Variants in CACNA2D3 observed in about 807,000 individuals in gnomAD.
The protein encoded by CACNA2D3 is calcium voltage-gated channel auxiliary subunit alpha2delta 3, also known as voltage-dependent calcium channel subunit alpha-2/delta-3.
CACNA2D3 carries 60 observed loss-of-function variants against 160.6 expected under a neutral mutation model. The observed-to-expected ratio is 0.37, with a 90% confidence interval of 0.30 to 0.46. CACNA2D3 has a LOEUF of 0.46. Ranked by LOEUF, CACNA2D3 falls within the 20% of genes least tolerant of loss-of-function variation. The pLI is 1.00. For synonymous variants in CACNA2D3, 558 were observed against 492.9 expected, an observed-to-expected ratio of 1.13 and a Z score of -1.75; for missense variants, 1,205 against 1,365.0, an observed-to-expected ratio of 0.88 and a Z score of 1.85.
At chr3:54,976,085 A>G (rs1470148967) in intron 29 of CACNA2D3, among the ~76,000 whole-genome samples, 1 of 151,438 alleles carries the variant, frequency 6.6e-6, no homozygotes, top group Non-Finnish European at 1.5e-5. Flanking sequence ...ACACACACAC[A>G]CACACACATT....
At position 55,016,403 on chromosome 3, in the gene CACNA2D3, C is replaced by A. The variant is rs77835116; in HGVS notation, c.2876-1803C>A. On this transcript the variant is annotated intron_variant, in intron 34 of 37. Transcript: ENST00000474759. Reference sequence around the variant, plus strand: ...GGTACTGCTATTCCCATTTAGCAGACGAGGACACTAAGATGTAAAATGGTT... The same window carrying A: ...GGTACTGCTATTCCCATTTAGCAGAAGAGGACACTAAGATGTAAAATGGTT... Among the ~76,000 whole-genome samples the A allele has an allele frequency of 1.9e-3, 296 of 152,260 alleles. 1 individual carries two copies. Among genetic ancestry groups the A allele is most frequent in the African/African-American group, 6.8e-3 (284 of 41,544 alleles).
intron 4 of CACNA2D3, among the ~76,000 whole-genome samples, chr3:54,389,296 TAAA>T (rs34532007): frequency 6.9e-6 from 1 of 144,226 alleles, no homozygotes; most frequent in Admixed American, 6.9e-5. Context: ...AACTCCGTCT[TAAA>T]AAAAAAAAAA....
At chr3:54,948,331 A>C (rs1363712205) in intron 27 of CACNA2D3, among the ~76,000 whole-genome samples, 1 of 152,204 alleles carries the variant, frequency 6.6e-6, no homozygotes, top group Non-Finnish European at 1.5e-5. Flanking sequence ...ACCTCAGTAA[A>C]AACTGGAAGA....
chr3:54,962,363 G>T (rs1301205659), intron 27 of CACNA2D3, among the ~76,000 whole-genome samples: 1 of 152,194 alleles, frequency 6.6e-6, no homozygotes, highest in African/African-American at 2.4e-5. Context: ...GGAGTGGACA[G>T]TTTGCATTGG....
chr3:54,681,131 G>GAA (rs1293890096), intron 11 of CACNA2D3, among the ~76,000 whole-genome samples: 2 of 151,806 alleles, frequency 1.3e-5, no homozygotes, highest in Non-Finnish European at 2.9e-5. Context: ...GAGAGAGAGA[G>GAA]AGAGAGACAG....
intron 17 of CACNA2D3, among the ~76,000 whole-genome samples, chr3:54,854,468 C>T (rs1315167120): frequency 6.6e-6 from 1 of 152,170 alleles, no homozygotes; most frequent in Non-Finnish European, 1.5e-5. Flanking sequence ...GCTCCTGTGA[C>T]TGGGTGTGTG....
Position 54,519,429 on chromosome 3 carries a change from T to G in CACNA2D3, c.544+15775T>G, listed in dbSNP as rs185702580. 3.5e-3 allele frequency among the ~76,000 whole-genome samples: 538 copies of G among 152,296 alleles called. 1 individual carries two copies. The highest frequency in any genetic ancestry group is 6.7e-3 in the Non-Finnish European group (454 of 68,020). ...CAGTGCTCTGGGTGACACCAGCGTT[T>G]GAGAGGCAGGGATGCCTCTTTTCCT... is the stretch of plus-strand genomic sequence containing the variant. On this transcript the variant is annotated intron_variant, in intron 5 of 37. Transcript: ENST00000474759.
At chr3:54,152,145 A>C (rs574331628) in intron 2 of CACNA2D3, among the ~76,000 whole-genome samples, 1 of 152,218 alleles carries the variant, frequency 6.6e-6, no homozygotes, top group Non-Finnish European at 1.5e-5. Context: ...CTCTTGGGAC[A>C]CTGAGCTCCT....
chr3:55,007,424 A>G (rs1703121603), intron 32 of CACNA2D3, among the ~76,000 whole-genome samples: 1 of 152,190 alleles, frequency 6.6e-6, no homozygotes, highest in African/African-American at 2.4e-5. Context: ...GTAAATTACC[A>G]TTTGAAATTA....
chr3:54,997,524 CA>C, intron 31 of CACNA2D3, among the ~76,000 whole-genome samples: 1 of 151,932 alleles, frequency 6.6e-6, no homozygotes, highest in South Asian at 2.1e-4. Context: ...CAACCACATC[CA>C]GCACGTGAAA....
intron 36 of CACNA2D3, 110 bp downstream of exon 36, chr3:55,073,667 A>G: frequency 8.1e-7 from 1 of 1,233,202 alleles, no homozygotes; most frequent in East Asian, 2.4e-5. Context: ...CATCCTTTCC[A>G]CTGTTGGAGA....
At chr3:54,591,847 A>G (rs1702866660) in intron 9 of CACNA2D3, among the ~76,000 whole-genome samples, 1 of 150,210 alleles carries the variant, frequency 6.7e-6, no homozygotes, top group Non-Finnish European at 1.5e-5. Flanking sequence ...CATCGATGCT[A>G]GTCTTCTGTC....
intron 18 of CACNA2D3, chr3:54,875,048 C>T (rs1465403605): frequency 6.6e-6 from 1 of 152,150 alleles, no homozygotes; most frequent in Non-Finnish European, 1.5e-5. Flanking sequence ...TGCTTCATAC[C>T]CATGATGACT....
chr3:54,249,655 G>C (rs1702145649), intron 2 of CACNA2D3, among the ~76,000 whole-genome samples: 1 of 110,804 alleles, frequency 9.0e-6, no homozygotes, highest in Non-Finnish European at 1.7e-5. Context: ...AAATCTCTCT[G>C]TTTACGTACA....
intron 26 of CACNA2D3, among the ~76,000 whole-genome samples, chr3:54,899,156 T>G (rs1252568945): frequency 6.6e-6 from 1 of 152,234 alleles, no homozygotes; most frequent in African/African-American, 2.4e-5. Context: ...GAATTTGTGC[T>G]CAGTATCTTT....
chr3:55,057,956 A>C (rs912674206), intron 35 of CACNA2D3, among the ~76,000 whole-genome samples: 1 of 152,136 alleles, frequency 6.6e-6, no homozygotes, highest in Non-Finnish European at 1.5e-5. Flanking sequence ...TTATAAAGTA[A>C]TTCTCAATGA....
intron 2 of CACNA2D3, among the ~76,000 whole-genome samples, chr3:54,227,572 G>T (rs191696396): frequency 2.0e-5 from 3 of 151,678 alleles, no homozygotes; most frequent in Non-Finnish European, 4.4e-5. Flanking sequence ...GAGGGGGCGG[G>T]GGGGCAGAGT....
chr3:54,511,380 A>G (rs1316959830), intron 5 of CACNA2D3, among the ~76,000 whole-genome samples: 1 of 152,010 alleles, frequency 6.6e-6, no homozygotes, highest in Non-Finnish European at 1.5e-5. Flanking sequence ...GGACCATAGC[A>G]GAGGACCTGG....
At chr3:54,891,265 TG>T in intron 24 of CACNA2D3, 89 bp from the exon 25 acceptor site, 1 of 808,444 alleles carries the variant, frequency 1.2e-6, no homozygotes, top group Non-Finnish European at 2.1e-6. Context: ...AACTGCTATT[TG>T]GTAAAAACAT....
Sources: allele counts gnomAD v4.1 joint callset (sites outside exome capture counted in the v4.1 genomes callset), GRCh38; gene constraint gnomAD v4.1.1; transcripts MANE v1.5; gene names NCBI Gene and HGNC (gene_info 2026-07-23, HGNC 2026-07-21).